EXD3: variants seen among roughly 807,000 people sequenced by gnomAD.
EXD3 encodes the protein exonuclease mut-7 homolog.
A neutral mutation model predicts 98.0 loss-of-function variants in EXD3; 92 were observed. The observed-to-expected ratio is 0.94, with a 90% CI of 0.79 to 1.12. The LOEUF (loss-of-function observed/expected upper bound fraction) is 1.12, where lower values mean the gene tolerates loss of function less well. EXD3 is among the 50% of genes most tolerant of loss of function. The pLI is 0.00. For synonymous variants in EXD3, 569 were observed against 526.0 expected, an observed-to-expected ratio of 1.08 and a Z score of -1.12; for missense variants, 1,222 against 1,191.6, an observed-to-expected ratio of 1.03 and a Z score of -0.38.
Position 137,403,369 on chromosome 9 carries a change from C to T in EXD3, c.-47-7965G>A, listed in dbSNP as rs945998201. ...ACCTGCCAGCCACTGAGTTTGGGGGCACAGGCAGGGAGCTGCAGACCCCGT... is the reference window on the plus strand; with the variant it reads ...ACCTGCCAGCCACTGAGTTTGGGGGTACAGGCAGGGAGCTGCAGACCCCGT... On this transcript the variant is annotated intron_variant, in intron 1 of 21. Coordinates refer to ENST00000340951, the MANE Select transcript of EXD3 (RefSeq NM_017820.5). The surrounding 1 kb of genome is among the most constrained non-coding windows in gnomAD (Gnocchi z 6.1). Among the ~76,000 whole-genome samples, 20 of 152,016 alleles carry T rather than the reference C, an allele frequency of 1.3e-4. 1 individual carries two copies. Among genetic ancestry groups the T allele is most frequent in the African/African-American group, 4.8e-4 (20 of 41,380 alleles).
intron 11 of EXD3, 149 bp downstream of exon 11, chr9:137,352,470 GT>G: frequency 2.1e-6 from 2 of 949,494 alleles, no homozygotes; most frequent in South Asian, 3.5e-5. Context: ...CTGCTGTCTT[GT>G]CTGCTCTGTG....
At position 137,371,462 on chromosome 9, in the gene EXD3, A is replaced by G. The variant is rs1446781812; in HGVS notation, c.462+1443T>C. On this transcript the variant is annotated intron_variant, in intron 5 of 21. Coordinates refer to ENST00000340951, the MANE Select transcript of EXD3 (RefSeq NM_017820.5). The surrounding 1 kb of genome is among the most constrained non-coding windows in gnomAD (Gnocchi z 8.0). ...GATGCCCGTGCCCAGGTTCCAATGC[A>G]CCTCCTCACGGTGAGGGGTCTTGCT... is the stretch of plus-strand genomic sequence containing the variant. Among the ~76,000 whole-genome samples, 6 of 151,878 alleles carry G rather than the reference A, an allele frequency of 4.0e-5. No homozygotes were observed. The highest frequency in any genetic ancestry group is 1.5e-4 in the African/African-American group (6 of 41,342).
Position 137,420,747 on chromosome 9 carries a change from C to CCT in EXD3, c.-48+2366_-48+2367insAG, listed in dbSNP as rs1554743382. Among the ~76,000 whole-genome samples, 81 of 147,412 alleles carry CCT rather than the reference C, an allele frequency of 5.5e-4. 1 individual carries two copies. Among genetic ancestry groups the CCT allele is most frequent in the Non-Finnish European group, 1.0e-3 (69 of 66,008 alleles). ...GGAGGACAGACATTCACCCCCCCCC[C>CCT]CAAATTCATACAGGTATTATACATA... On this transcript the variant is annotated intron_variant, in intron 1 of 21. Transcript: ENST00000340951.
At chr9:137,379,585 A>G (rs1836123003) in intron 3 of EXD3, among the ~76,000 whole-genome samples, 1 of 151,892 alleles carries the variant, frequency 6.6e-6, no homozygotes, top group Non-Finnish European at 1.5e-5. Context: ...TGAAACCAGA[A>G]GAGGTGCACA....
Position 137,347,987 on chromosome 9 carries a change from G to A in EXD3, c.1998+84C>T. The A allele has an allele frequency of 7.0e-7, 1 of 1,428,112 alleles. No individual in the cohort carries two copies. The highest frequency in any genetic ancestry group is 9.4e-7 in the Non-Finnish European group (1 of 1,061,388). 88.5% of individuals were successfully genotyped at this position (1,428,112 alleles called of 1,614,324 possible). A position where few individuals can be genotyped will look rare whatever the true frequency, so the allele number is the denominator to read the frequency against. ...GGCAGCCATGGATGAGCTGGAGGGA[G>A]GAGTTTGATGCTAGGGGTGGGCACA... On this transcript the variant is annotated intron_variant, in intron 17 of 21. Transcript: ENST00000340951. The surrounding 1 kb of genome is among the most constrained non-coding windows in gnomAD (Gnocchi z 4.2).
At chr9:137,342,484 G>A (rs1339789917) in intron 17 of EXD3, among the ~76,000 whole-genome samples, 2 of 152,156 alleles carry the variant, frequency 1.3e-5, no homozygotes, top group Non-Finnish European at 1.5e-5. Context: ...AATGACATTT[G>A]TGAAGTGTTG....
chr9:137,333,253 T>G (rs1833185033), intron 17 of EXD3, among the ~76,000 whole-genome samples: 1 of 152,214 alleles, frequency 6.6e-6, no homozygotes, highest in Admixed American at 6.5e-5. Context: ...AAGGCTGCAC[T>G]GCCAGCTTCC....
chr9:137,366,403 A>C, intron 7 of EXD3, 90 bp downstream of exon 7: 2 of 1,502,282 alleles, frequency 1.3e-6, no homozygotes, highest in Non-Finnish European at 1.8e-6. Flanking sequence ...GAGCTCTCCC[A>C]CGCGCCTGCT....
chr9:137,309,683 C>T lies in EXD3; in HGVS notation c.2202G>A (p.Gln734=), dbSNP rs1277525725. The T allele has an allele frequency of 6.4e-7, 1 of 1,556,312 alleles. No individual in the cohort carries two copies. Among genetic ancestry groups the T allele is most frequent in the East Asian group, 2.4e-5 (1 of 41,448 alleles). ...FSRCQACNCD[Q]YLKVSRDMMK... ...TCATGTCCCTGGAGACCTTTAGGTA[C>T]TGGTCACAGTTACAGGCCTGGGGGC... Residue 734 remains glutamine (Q), a synonymous_variant, in exon 20 of 22, where the codon CAG becomes CAA. Transcript: ENST00000340951.
At position 137,319,331 on chromosome 9, in the gene EXD3, C is replaced by T. The variant is rs561767912; in HGVS notation, c.2184+4394G>A. Among the ~76,000 whole-genome samples the T allele has an allele frequency of 7.2e-5, 11 of 152,332 alleles. No individual in the cohort carries two copies. In the East Asian group the frequency reaches 1.5e-3, roughly 21 times the overall value. ...GCGTGGAGCTGGGCCTGCGTGGTCC[C>T]GGGGCCCGGCCTCCATTGTTTTGCC... On this transcript the variant is annotated intron_variant, in intron 19 of 21. Transcript: ENST00000340951.
At chr9:137,316,964 G>A (rs1831701596) in intron 19 of EXD3, among the ~76,000 whole-genome samples, 1 of 152,156 alleles carries the variant, frequency 6.6e-6, no homozygotes, top group African/African-American at 2.4e-5. Context: ...AGCTGGGCAG[G>A]GACCTCTTCT....
intron 17 of EXD3, among the ~76,000 whole-genome samples, chr9:137,330,111 C>T (rs1365804585): frequency 5.3e-5 from 3 of 56,842 alleles, no homozygotes; most frequent in Admixed American, 4.8e-4. Flanking sequence ...ACAGGAGCTA[C>T]ACAGGAGCTA....
intron 1 of EXD3, among the ~76,000 whole-genome samples, chr9:137,417,477 C>G (rs1838292329): frequency 6.6e-6 from 1 of 152,122 alleles, no homozygotes; most frequent in African/African-American, 2.4e-5. Context: ...CGGGAGGCGG[C>G]GTGGCCACAC....
At chr9:137,334,564 A>C (rs1167524730) in intron 17 of EXD3, among the ~76,000 whole-genome samples, 1 of 152,162 alleles carries the variant, frequency 6.6e-6, no homozygotes, top group Non-Finnish European at 1.5e-5. Flanking sequence ...CATACCTCTC[A>C]CCATATACAA....
At chr9:137,316,970 C>T (rs1831702583) in intron 19 of EXD3, among the ~76,000 whole-genome samples, 1 of 152,116 alleles carries the variant, frequency 6.6e-6, no homozygotes, top group South Asian at 2.1e-4. Flanking sequence ...GCAGGGACCT[C>T]TTCTCCTCTC....
intron 5 of EXD3, among the ~76,000 whole-genome samples, chr9:137,368,191 A>G (rs1746079801): frequency 6.6e-6 from 1 of 152,220 alleles, no homozygotes; most frequent in Non-Finnish European, 1.5e-5. Flanking sequence ...CAGGCCTTGC[A>G]TAGGCTGGGA....
intron 1 of EXD3, among the ~76,000 whole-genome samples, chr9:137,409,218 C>A (rs764854910): frequency 6.6e-6 from 1 of 152,288 alleles, no homozygotes; most frequent in Middle Eastern, 3.4e-3. Flanking sequence ...CCTGAGCCCG[C>A]ATGCTGGGCC....
intron 17 of EXD3, among the ~76,000 whole-genome samples, chr9:137,338,490 A>T (rs149411006): frequency 2.0e-4 from 30 of 152,256 alleles, no homozygotes; most frequent in African/African-American, 7.0e-4. Context: ...AACCCAAGAA[A>T]GCAAAAGGAA....
Position 137,328,598 on chromosome 9 carries a change from GGGA to G in EXD3, c.1999-4458_1999-4456del, listed in dbSNP as rs1832646392. On this transcript the variant is annotated intron_variant, in intron 17 of 21. Coordinates refer to ENST00000340951, the MANE Select transcript of EXD3 (RefSeq NM_017820.5). ...ACACAGGAGCTACACGGGACTACACGGGACTACACGGGGCTACACGGGACTACA... is the reference window on the plus strand; with the variant it reads ...ACACAGGAGCTACACGGGACTACACGCTACACGGGGCTACACGGGACTACA... 6.9e-4 allele frequency among the ~76,000 whole-genome samples: 36 copies of G among 52,194 alleles called. 2 individuals are homozygous for G. The highest frequency in any genetic ancestry group is 2.0e-3 in the African/African-American group (19 of 9,522). 34.2% of individuals were successfully genotyped at this position (52,194 alleles called of 152,430 possible).
Sources: allele counts gnomAD v4.1 joint callset (sites outside exome capture counted in the v4.1 genomes callset), GRCh38; gene constraint gnomAD v4.1.1; non-coding constraint Gnocchi (gnomAD v3.1); transcripts MANE v1.5; gene names NCBI Gene and HGNC (gene_info 2026-07-23, HGNC 2026-07-21).